Variants in KIAA0586 observed in about 807,000 individuals in gnomAD.
KIAA0586 encodes protein TALPID3.
KIAA0586 carries 144 observed loss-of-function variants against 169.8 expected under a neutral mutation model. That is an observed-to-expected ratio of 0.85 (90% confidence interval 0.74 to 0.97). The LOEUF (loss-of-function observed/expected upper bound fraction) is 0.97. Among genes scored for constraint, KIAA0586 ranks in the 50% least tolerant of loss-of-function variants. The pLI, the probability that KIAA0586 is intolerant of heterozygous loss-of-function variation, is 0.00. For missense variants in KIAA0586, 1,854 were observed against 1,823.0 expected (o/e 1.02, Z -0.31); for synonymous variants, 625 against 612.4 (o/e 1.02, Z -0.30).
At chr14:58,489,821 CT>C (rs1198122529) in intron 24 of KIAA0586, among the ~76,000 whole-genome samples, 4 of 146,756 alleles carry the variant, frequency 2.7e-5, no homozygotes, top group African/African-American at 1.0e-4. Flanking sequence ...TTTTTTTTTT[CT>C]TTGCTCTAAG....
intron 6 of KIAA0586, among the ~76,000 whole-genome samples, chr14:58,446,787 T>C (rs1448643022): frequency 2.0e-5 from 3 of 152,140 alleles, no homozygotes; most frequent in African/African-American, 4.8e-5. Flanking sequence ...AAGTACTCCC[T>C]GCATGACTAA....
chr14:58,459,847 A>G lies in KIAA0586; in HGVS notation c.1661A>G (p.Glu554Gly), dbSNP rs1174678163. ...IKTISAEIQD[E>G]LSRTDYEQKR... ...TTTAACTTTGGTTATGTTAAGGATG[A>G]ACTGTCAAGAACAGATTATGAACAA... The change falls in exon 13 of 31, where the codon GAA becomes GGA. Residue 554 changes from glutamate to glycine, a missense_variant. Physicochemically the swap from Glu to Gly is moderately conservative, Grantham distance 98. Transcript: ENST00000652326. 6.6e-7 allele frequency: 1 copy of G among 1,504,150 alleles called. No individual in the cohort carries two copies. The highest frequency in any genetic ancestry group is 8.9e-7 in the Non-Finnish European group (1 of 1,129,310). The allele number at this position is 1,504,150 out of a possible 1,614,324, so 93.2% of individuals were successfully genotyped here.
chr14:58,515,697 C>T (rs2044704086), intron 29 of KIAA0586, among the ~76,000 whole-genome samples: 1 of 152,016 alleles, frequency 6.6e-6, no homozygotes, highest in Non-Finnish European at 1.5e-5. Flanking sequence ...GGTTGGGGCA[C>T]AGACTAATAA....
chr14:58,437,151 TAA>T (rs2037897163), intron 4 of KIAA0586, among the ~76,000 whole-genome samples: 1 of 152,050 alleles, frequency 6.6e-6, no homozygotes, highest in South Asian at 2.1e-4. Context: ...GGTGGTATGG[TAA>T]TGGGAATCAT....
chr14:58,529,240 GA>G (rs1429024575), intron 29 of KIAA0586, among the ~76,000 whole-genome samples: 1 of 152,070 alleles, frequency 6.6e-6, no homozygotes. Flanking sequence ...AAAAGCCCAG[GA>G]CCAGACAAAT....
At chr14:58,429,917 T>C (rs1280934588) in intron 2 of KIAA0586, among the ~76,000 whole-genome samples, 1 of 152,160 alleles carries the variant, frequency 6.6e-6, no homozygotes, top group East Asian at 1.9e-4. Context: ...ATAAATACAA[T>C]GTTTTGGTTA....
intron 23 of KIAA0586, 41 bp downstream of exon 23, chr14:58,488,150 TTA>T (rs1230731890): frequency 2.1e-6 from 3 of 1,428,270 alleles, no homozygotes; most frequent in Non-Finnish European, 2.9e-6. Context: ...ACATTTCAAC[TTA>T]TGTTTGACTT....
chr14:58,436,818 T>C (rs751451392), intron 4 of KIAA0586, among the ~76,000 whole-genome samples: 2 of 152,116 alleles, frequency 1.3e-5, no homozygotes, highest in African/African-American at 2.4e-5. Context: ...TAATTGATAT[T>C]ATAATGTACT....
intron 13 of KIAA0586, among the ~76,000 whole-genome samples, chr14:58,460,524 G>C (rs1164826582): frequency 6.6e-6 from 1 of 152,104 alleles, no homozygotes; most frequent in East Asian, 1.9e-4. Context: ...GTTTCTAAGT[G>C]CCAAACATGG....
chr14:58,446,120 T>G (rs896371111), intron 6 of KIAA0586, among the ~76,000 whole-genome samples: 2 of 151,172 alleles, frequency 1.3e-5, no homozygotes, highest in Non-Finnish European at 3.0e-5. Context: ...TCCGCCTGCC[T>G]TGGCCTCCCA....
chr14:58,535,836 G>A (rs982969398), intron 29 of KIAA0586, among the ~76,000 whole-genome samples: 2 of 150,854 alleles, frequency 1.3e-5, no homozygotes, highest in Non-Finnish European at 3.0e-5. Flanking sequence ...ATGTTGTTTT[G>A]TGGGTTAAAA....
intron 15 of KIAA0586, among the ~76,000 whole-genome samples, chr14:58,466,857 A>C (rs774333063): frequency 7.2e-5 from 11 of 152,186 alleles, no homozygotes; most frequent in Non-Finnish European, 1.6e-4. Context: ...GAACTAGGCT[A>C]TCATAAGTGA....
intron 29 of KIAA0586, among the ~76,000 whole-genome samples, chr14:58,527,248 C>T (rs1017084683): frequency 1.3e-5 from 2 of 152,038 alleles, no homozygotes; most frequent in South Asian, 4.1e-4. Context: ...CTGAAAGTGA[C>T]GGGGAGAATG....
At position 58,498,965 on chromosome 14, in the gene KIAA0586, A is replaced by G. The variant is rs769793353; in HGVS notation, c.4168+5A>G. ...GGCAATTTGACACAGTTTCAGGTAGACACCAAAATATTTTTTCTTGATGTG... is the reference window on the plus strand; with the variant it reads ...GGCAATTTGACACAGTTTCAGGTAGGCACCAAAATATTTTTTCTTGATGTG... On this transcript the variant is annotated splice_donor_5th_base_variant and intron_variant, in intron 27 of 30. Coordinates refer to ENST00000652326, the MANE Select transcript of KIAA0586 (RefSeq NM_001329943.3). 1.9e-5 allele frequency: 30 copies of G among 1,581,802 alleles called. No individual in the cohort carries two copies. The South Asian group carries it at 3.2e-4, about 17-fold the overall frequency.
At chr14:58,449,148 A>G (rs1233332239) in intron 7 of KIAA0586, among the ~76,000 whole-genome samples, 1 of 152,232 alleles carries the variant, frequency 6.6e-6, no homozygotes, top group Non-Finnish European at 1.5e-5. Flanking sequence ...ACAGATCTAT[A>G]TAGTACAATA....
intron 14 of KIAA0586, among the ~76,000 whole-genome samples, chr14:58,464,977 TG>T (rs1483909899): frequency 6.6e-6 from 1 of 151,958 alleles, no homozygotes; most frequent in Non-Finnish European, 1.5e-5. Context: ...GAGGCTAGGG[TG>T]GGAGGATCAC....
intron 27 of KIAA0586, among the ~76,000 whole-genome samples, chr14:58,501,074 C>G (rs1050364064): frequency 2.6e-5 from 4 of 152,120 alleles, no homozygotes; most frequent in African/African-American, 9.7e-5. Context: ...CTGCTATATT[C>G]TTATTATTGA....
intron 25 of KIAA0586, 101 bp from the exon 26 acceptor site, chr14:58,492,043 C>A: frequency 1.1e-6 from 1 of 887,220 alleles, no homozygotes; most frequent in Non-Finnish European, 1.6e-6. Flanking sequence ...ATGCTAATAT[C>A]ATCATCTCAT....
At chr14:58,440,232 T>C (rs543473040) in intron 4 of KIAA0586, 40 of 437,902 alleles carry the variant, frequency 9.1e-5, no homozygotes, top group Non-Finnish European at 1.7e-4. Context: ...ATAAACTGAG[T>C]GACCTTCCTT....
Sources: allele counts gnomAD v4.1 joint callset (sites outside exome capture counted in the v4.1 genomes callset), GRCh38; gene constraint gnomAD v4.1.1; transcripts MANE v1.5; gene names NCBI Gene and HGNC (gene_info 2026-07-23, HGNC 2026-07-21).